NHLH2: variants seen among roughly 807,000 people sequenced by gnomAD.
NHLH2 encodes nescient helix-loop-helix 2.
NHLH2 carries 7 observed loss-of-function variants against 7.3 expected under a neutral mutation model. The ratio of observed to expected loss-of-function variants is 0.96; its 90% confidence interval spans 0.55 to 1.81. NHLH2 has a LOEUF of 1.81. Ranked by LOEUF, NHLH2 falls within the 40% of genes most tolerant of loss-of-function variation. NHLH2 has a pLI of 0.00. For synonymous variants in NHLH2, 93 were observed against 91.6 expected, an observed-to-expected ratio of 1.01 and a Z score of -0.09; for missense variants, 155 against 194.0, an observed-to-expected ratio of 0.80 and a Z score of 1.19.
Position 115,837,973 on chromosome 1 carries a change from C to G in NHLH2, c.400G>C (p.Asp134His). The part of the protein sequence containing the change: ...CYISYLNHVL[D>H]V ...CCGCGGCGCACCCCGCCCTACACGT[C>G]CAGGACGTGGTTGAGATAGGAGATG... is the stretch of plus-strand genomic sequence containing the variant. Residue 134 changes from aspartate to histidine, a missense_variant, in exon 3 of 3, where the codon GAC (aspartate) becomes CAC (histidine). By Grantham distance (81) the Asp-to-His change is moderately conservative. Coordinates refer to ENST00000320238, the MANE Select transcript of NHLH2 (RefSeq NM_005599.3). 1 of 1,601,482 alleles carries G rather than the reference C, an allele frequency of 6.2e-7. No individual in the cohort carries two copies. The highest frequency in any genetic ancestry group is 8.5e-7 in the Non-Finnish European group (1 of 1,175,254).
chr1:115,838,175 C>T lies in NHLH2; in HGVS notation c.198G>A (p.Glu66=). ...TGGCGCGCCGGCGGCGGCGCTTCTC[C>T]TCGCGGCTCAGCTGCTGCGGGTGCG... ...LYPHPQQLSR[E]EKRRRRRATA... Residue 66 remains glutamate, a synonymous_variant, in exon 3 of 3, where the codon GAG becomes GAA. Coordinates refer to ENST00000320238, the MANE Select transcript of NHLH2 (RefSeq NM_005599.3). 1.3e-6 allele frequency: 2 copies of T among 1,578,184 alleles called. No homozygotes were observed. The highest frequency in any genetic ancestry group is 1.7e-6 in the Non-Finnish European group (2 of 1,163,486).
intron 2 of NHLH2, 65 bp from the exon 3 acceptor site, chr1:115,838,445 C>T: frequency 2.6e-6 from 4 of 1,531,668 alleles, no homozygotes; most frequent in South Asian, 1.2e-5. Flanking sequence ...AGGATGGCTG[C>T]CGAGGCCTAC....
At chr1:115,834,605 G>GT (rs1650822710), downstream of NHLH2, among the ~76,000 whole-genome samples, 2 of 152,312 alleles carry the variant, frequency 1.3e-5, no homozygotes, top group South Asian at 4.1e-4. Context: ...GGGTACCAAT[G>GT]TATTTCCTCA....
downstream of NHLH2, among the ~76,000 whole-genome samples, chr1:115,831,638 G>T (rs190738053): frequency 4.6e-5 from 7 of 151,954 alleles, no homozygotes; most frequent in African/African-American, 1.7e-4. Context: ...CCCTTGTCTG[G>T]CTGGGCGCGG....
chr1:115,833,480 A>AGG (rs148571676), downstream of NHLH2, among the ~76,000 whole-genome samples: 547 of 151,930 alleles, frequency 3.6e-3, 3 homozygotes, highest in African/African-American at 0.012. Context: ...GCAGGCACCA[A>AGG]GGGGGGTGGT....
chr1:115,834,145 C>T (rs1481799558), downstream of NHLH2, among the ~76,000 whole-genome samples: 1 of 152,194 alleles, frequency 6.6e-6, no homozygotes, highest in African/African-American at 2.4e-5. Flanking sequence ...TCATACACTG[C>T]CCCTCCTCTT....
At position 115,838,529 on chromosome 1, in the gene NHLH2, C is replaced by T. The variant is rs548245961; in HGVS notation, c.-8-149G>A. The T allele has an allele frequency of 8.2e-6, 7 of 851,704 alleles. No homozygotes were observed. In the Admixed American group the frequency reaches 8.4e-5, roughly 10 times the overall value. The allele number at this position is 851,704 out of a possible 1,614,324, so 52.8% of individuals were successfully genotyped here. On this transcript the variant is annotated intron_variant, in intron 2 of 2. Coordinates refer to ENST00000320238, the MANE Select transcript of NHLH2 (RefSeq NM_005599.3). ...CAGGCCGGCGCGCGACGCGGGAGGG[C>T]GCCGATAGGATCTGGCCCGAGGGCG...
At chr1:115,833,426 A>G (rs2101191633), downstream of NHLH2, among the ~76,000 whole-genome samples, 1 of 152,264 alleles carries the variant, frequency 6.6e-6, no homozygotes, top group East Asian at 1.9e-4. Context: ...TAGGCATTAC[A>G]TGAGCTGAAG....
chr1:115,833,112 C>T (rs1198721631), downstream of NHLH2, among the ~76,000 whole-genome samples: 6 of 152,178 alleles, frequency 3.9e-5, no homozygotes, highest in Middle Eastern at 6.8e-3. Flanking sequence ...GGATGGCACG[C>T]TAATTTTTAA....
At position 115,838,265 on chromosome 1, in the gene NHLH2, C is replaced by T. The variant is rs1024629411; in HGVS notation, c.108G>A (p.Ser36=). Residue 36 remains serine, a synonymous_variant, in exon 3 of 3, where the codon TCG becomes TCA. Coordinates refer to ENST00000320238, the MANE Select transcript of NHLH2 (RefSeq NM_005599.3). ...CGGCCTCCTCCACCGGCTCCAGGTC[C>T]GACACGCTGCCGAGCACCTTGGTGT... ...GTDTKVLGSV[S]DLEPVEEAEG... is the part of the protein sequence containing the mutation. 9 of 1,595,654 alleles carry T rather than the reference C, an allele frequency of 5.6e-6. No homozygotes were observed. The African/African-American group carries it at 6.7e-5, about 12-fold the overall frequency.
rs1041134010 is a variant in NHLH2 at position 115,840,400 on chromosome 1, T to A, written c.-193A>T. On this transcript the variant is annotated 5_prime_UTR_variant, in exon 2 of 3. Coordinates refer to ENST00000320238, the MANE Select transcript of NHLH2 (RefSeq NM_005599.3). ...CAATAATATCTCAGGATGTAGACGATATGAATGATTGTTCACTTAGTTGAT... is the reference window on the plus strand; with the variant it reads ...CAATAATATCTCAGGATGTAGACGAAATGAATGATTGTTCACTTAGTTGAT... The A allele has an allele frequency of 2.6e-4, 43 of 167,176 alleles. No homozygotes were observed. The highest frequency in any genetic ancestry group is 9.4e-4 in the African/African-American group (39 of 41,600). 10.4% of individuals were successfully genotyped at this position (167,176 alleles called of 1,614,324 possible). A position where few individuals can be genotyped will look rare whatever the true frequency, so the allele number is the denominator to read the frequency against.
At chr1:115,834,028 G>A (rs1035393762), downstream of NHLH2, among the ~76,000 whole-genome samples, 6 of 152,174 alleles carry the variant, frequency 3.9e-5, no homozygotes, top group Non-Finnish European at 2.9e-5. Flanking sequence ...CAGCATTCCT[G>A]TGGGAAGCGG....
At chr1:115,840,813 G>C (rs1651053477) in intron 1 of NHLH2, 135 bp downstream of exon 1, 1 of 160,550 alleles carries the variant, frequency 6.2e-6, no homozygotes, top group Non-Finnish European at 1.5e-5. Flanking sequence ...ACACAATACT[G>C]TAACTAGGAG....
chr1:115,836,793 T>C lies in NHLH2; in HGVS notation c.*1172A>G, dbSNP rs1020944091. The C allele has an allele frequency of 6.6e-6, 1 of 152,058 alleles. No individual in the cohort carries two copies. Among genetic ancestry groups the C allele is most frequent in the African/African-American group, 2.4e-5 (1 of 41,412 alleles). 9.4% of individuals were successfully genotyped at this position (152,058 alleles called of 1,614,324 possible). A position where few individuals can be genotyped will look rare whatever the true frequency, so the allele number is the denominator to read the frequency against. ...CAGCTTGTAAAGGACTTCTCAGACA[T>C]AACTACAGATAAGAATAATACACTT... On this transcript the variant is annotated 3_prime_UTR_variant, in exon 3 of 3. Transcript: ENST00000320238.
In NHLH2 at chr1:115,837,901, CCCGT is replaced by C; in HGVS notation, c.*60_*63del. The C allele has an allele frequency of 1.3e-6, 2 of 1,519,132 alleles. No homozygotes were observed. The highest frequency in any genetic ancestry group is 1.8e-6 in the Non-Finnish European group (2 of 1,135,496). 94.1% of individuals were successfully genotyped at this position (1,519,132 alleles called of 1,614,324 possible). A position where few individuals can be genotyped will look rare whatever the true frequency, so the allele number is the denominator to read the frequency against. On this transcript the variant is annotated 3_prime_UTR_variant, in exon 3 of 3. Transcript: ENST00000320238. The stretch of plus-strand genomic sequence containing the variant: ...AGCCTCCGCCACCCGAGCGACGGCG[CCCGT>C]CCGGATCCGTAGCGTTTCGCGGACG...
Position 115,837,939 on chromosome 1 carries a change from G to C in NHLH2, c.*26C>G. The C allele has an allele frequency of 6.3e-7, 1 of 1,584,532 alleles. No individual in the cohort carries two copies. Among genetic ancestry groups the C allele is most frequent in the Non-Finnish European group, 8.6e-7 (1 of 1,167,756 alleles). ...GTAGCGTTTCGCGGACGCCGGGACAGGCGGCCCCCCGCGGCGCACCCCGCC... is the reference window on the plus strand; with the variant it reads ...GTAGCGTTTCGCGGACGCCGGGACACGCGGCCCCCCGCGGCGCACCCCGCC... On this transcript the variant is annotated 3_prime_UTR_variant, in exon 3 of 3. Coordinates refer to ENST00000320238, the MANE Select transcript of NHLH2 (RefSeq NM_005599.3).
Position 115,838,026 on chromosome 1 carries a change from A to C in NHLH2, c.347T>G (p.Ile116Ser). 1 of 1,610,430 alleles carries C rather than the reference A, an allele frequency of 6.2e-7. No individual in the cohort carries two copies. Among genetic ancestry groups the C allele is most frequent in the Non-Finnish European group, 8.5e-7 (1 of 1,178,554 alleles). Residue 116 changes from isoleucine to serine, a missense_variant, in exon 3 of 3, where the codon ATC becomes AGC. Physicochemically the swap from Ile to Ser is moderately radical, Grantham distance 142. Coordinates refer to ENST00000320238, the MANE Select transcript of NHLH2 (RefSeq NM_005599.3). ...TLPPDKKLSKIEILRLAICYI... is the reference protein window; with the variant it reads ...TLPPDKKLSKSEILRLAICYI... ...GCAGATGGCCAGGCGCAGGATCTCG[A>C]TCTTGGAGAGCTTCTTGTCCGGGGG...
At chr1:115,834,258 G>T (rs141185067), downstream of NHLH2, among the ~76,000 whole-genome samples, 468 of 152,316 alleles carry the variant, frequency 3.1e-3, 2 homozygotes, top group Non-Finnish European at 5.2e-3. Context: ...CATTTGGGTG[G>T]AGAAATATTC....
downstream of NHLH2, among the ~76,000 whole-genome samples, chr1:115,835,061 G>T (rs1486143915): frequency 6.6e-6 from 1 of 152,178 alleles, no homozygotes; most frequent in African/African-American, 2.4e-5. Flanking sequence ...ATCCTCTCCT[G>T]AAATCACATG....
Sources: gnomAD v4.1 joint callset for allele counts (sites outside exome capture counted in the v4.1 genomes callset) on GRCh38, gnomAD v4.1.1 for gene constraint, MANE v1.5 for transcripts, NCBI Gene and HGNC (gene_info 2026-07-23, HGNC 2026-07-21) for gene names.